Variants in HNRNPR observed in about 807,000 individuals in gnomAD.
HNRNPR encodes heterogeneous nuclear ribonucleoprotein R.
Under a neutral mutation model 70.3 loss-of-function variants are expected in HNRNPR, and 4 were observed. That is an observed-to-expected ratio of 0.06 (90% CI 0.03 to 0.13). The LOEUF is 0.13. Among genes scored for constraint, HNRNPR ranks in the 10% least tolerant of loss-of-function variants. The probability of loss-of-function intolerance (pLI) is 1.00; values close to 1 mark genes in which losing one functional copy is unlikely to be tolerated. For synonymous variants in HNRNPR, 241 were observed against 267.6 expected (o/e 0.90, Z 0.97); for missense variants, 423 against 788.5 (o/e 0.54, Z 5.55).
chr1:23,340,119 G>C (rs1027609582), intron 2 of HNRNPR, among the ~76,000 whole-genome samples: 2 of 151,772 alleles, frequency 1.3e-5, no homozygotes, highest in Admixed American at 1.3e-4. Flanking sequence ...CTCAGAATCT[G>C]AATAGGCACA....
chr1:23,314,508 TCAA>T (rs1645456462), intron 8 of HNRNPR, among the ~76,000 whole-genome samples: 2 of 152,090 alleles, frequency 1.3e-5, no homozygotes, highest in South Asian at 2.1e-4. Flanking sequence ...AACAAAAAGC[TCAA>T]CAACTGAATA....
chr1:23,311,140 C>G lies in HNRNPR; in HGVS notation c.1289+61G>C, dbSNP rs571083563. 9 of 1,609,456 alleles carry G rather than the reference C, an allele frequency of 5.6e-6. No homozygotes were observed. In the African/African-American group the frequency reaches 1.1e-4, roughly 19 times the overall value. ...AAGACTCTGATTTTGTTTTATTAAT[C>G]TGATCTCCATTATCACGTTATTCCT... is the stretch of plus-strand genomic sequence containing the variant. On this transcript the variant is annotated intron_variant, in intron 10 of 10. Transcript: ENST00000302271.
At chr1:23,335,995 T>C (rs1226940025) in intron 4 of HNRNPR, among the ~76,000 whole-genome samples, 1 of 147,154 alleles carries the variant, frequency 6.8e-6, no homozygotes, top group Non-Finnish European at 1.5e-5. Flanking sequence ...CGGGCGCCTG[T>C]AGTCCCAGCT....
chr1:23,339,242 T>G (rs899293446), intron 2 of HNRNPR, among the ~76,000 whole-genome samples: 2 of 152,242 alleles, frequency 1.3e-5, no homozygotes, highest in Non-Finnish European at 2.9e-5. Flanking sequence ...TGCAGCTTGA[T>G]TAATCAATTC....
intron 5 of HNRNPR, 71 bp downstream of exon 5, chr1:23,333,447 C>T: frequency 1.1e-6 from 1 of 876,798 alleles, no homozygotes; most frequent in Non-Finnish European, 1.9e-6. Context: ...CCCGTCTGTA[C>T]AGTATCTGCA....
rs528549933 is a variant in HNRNPR at position 23,307,109 on chromosome 1, T to A, written c.*3345A>T. On this transcript the variant is annotated 3_prime_UTR_variant, in exon 11 of 11. Coordinates refer to ENST00000302271, the MANE Select transcript of HNRNPR (RefSeq NM_005826.5). Reference sequence around the variant, plus strand: ...TATTGGTAGCTCAGTATAATAAAATTATCTTTGAAAAATCAAAATGACAAG... The same window carrying A: ...TATTGGTAGCTCAGTATAATAAAATAATCTTTGAAAAATCAAAATGACAAG... 4.6e-5 allele frequency: 7 copies of A among 152,172 alleles called. No homozygotes were observed. Among genetic ancestry groups the A allele is most frequent in the Non-Finnish European group, 1.0e-4 (7 of 68,008 alleles). The allele number at this position is 152,172 out of a possible 1,614,324, so 9.4% of individuals were successfully genotyped here. A position where few individuals can be genotyped will look rare whatever the true frequency, so the allele number is the denominator to read the frequency against.
chr1:23,311,412 A>G (rs1241829080), intron 9 of HNRNPR, 90 bp from the exon 10 acceptor site: 1 of 817,958 alleles, frequency 1.2e-6, no homozygotes, highest in African/African-American at 1.7e-5. Context: ...GTGTAATTTA[A>G]TACACTTAAC....
At position 23,312,863 on chromosome 1, in the gene HNRNPR, A is replaced by AC. The variant is rs529850649; in HGVS notation, c.1167+689dup. Among the ~76,000 whole-genome samples, 202 of 151,696 alleles carry AC rather than the reference A, an allele frequency of 1.3e-3. 2 individuals are homozygous for AC. The South Asian group carries it at 0.016, about 12-fold the overall frequency. On this transcript the variant is annotated intron_variant, in intron 9 of 10. Coordinates refer to ENST00000302271, the MANE Select transcript of HNRNPR (RefSeq NM_005826.5). ...TTTAGTAGTGTTTTGTCTTGCTCCC[A>AC]CCCCCCCAAGGAAGGAGAGATGAAT...
At chr1:23,322,661 G>GA (rs1439958069) in intron 6 of HNRNPR, among the ~76,000 whole-genome samples, 1 of 152,074 alleles carries the variant, frequency 6.6e-6, no homozygotes, top group Non-Finnish European at 1.5e-5. Flanking sequence ...CAAGTTTGAA[G>GA]AAAAAATCCA....
chr1:23,338,099 A>G (rs1277539455), intron 3 of HNRNPR: 1 of 429,042 alleles, frequency 2.3e-6, no homozygotes, highest in East Asian at 3.9e-5. Flanking sequence ...CCACTTGTTG[A>G]TATGTGACTG....
chr1:23,338,652 G>GA lies in HNRNPR; in HGVS notation c.158-45_158-44insT, dbSNP rs779015189. 2.3e-4 allele frequency: 210 copies of GA among 908,716 alleles called. 1 individual carries two copies. In the East Asian group the frequency reaches 5.2e-3, roughly 23 times the overall value. The allele number at this position is 908,716 out of a possible 1,614,324, so 56.3% of individuals were successfully genotyped here. ...GGGGTAACGTTATTGCAACAAAAGG[G>GA]GTAATCTAAGCTCTACTGACGTTTA... On this transcript the variant is annotated intron_variant, in intron 2 of 10. Transcript: ENST00000302271.
At chr1:23,332,524 G>A (rs1229660833) in intron 5 of HNRNPR, among the ~76,000 whole-genome samples, 2 of 151,074 alleles carry the variant, frequency 1.3e-5, no homozygotes, top group East Asian at 4.0e-4. Context: ...CCAACATGGT[G>A]AAATCCTCTT....
At chr1:23,339,013 A>T (rs1344707791) in intron 2 of HNRNPR, among the ~76,000 whole-genome samples, 1 of 152,226 alleles carries the variant, frequency 6.6e-6, no homozygotes, top group Non-Finnish European at 1.5e-5. Flanking sequence ...ATAAACCTTC[A>T]AATTACAGAC....
intron 1 of HNRNPR, among the ~76,000 whole-genome samples, chr1:23,342,006 G>C (rs757152492): frequency 7.2e-5 from 11 of 152,142 alleles, no homozygotes; most frequent in Non-Finnish European, 1.3e-4. Flanking sequence ...ATTTGTCTGT[G>C]GTGAAATTAC....
chr1:23,312,094 G>A (rs1177020387), intron 9 of HNRNPR, among the ~76,000 whole-genome samples: 1 of 151,854 alleles, frequency 6.6e-6, no homozygotes, highest in African/African-American at 2.4e-5. Context: ...TTTATTTTTT[G>A]TTTCCCTATA....
rs774028220 is a variant in HNRNPR, at chr1:23,306,585, A to T, written c.*3869T>A. On this transcript the variant is annotated 3_prime_UTR_variant, in exon 11 of 11. Transcript: ENST00000302271. ...TTCTGGATAACATCTGAAAATGATT[A>T]AAAAAACAAAAAAACAAAACAAAAC... The T allele has an allele frequency of 6.7e-6, 1 of 149,084 alleles. No homozygotes were observed. The highest frequency in any genetic ancestry group is 1.5e-5 in the Non-Finnish European group (1 of 67,854). 9.2% of individuals were successfully genotyped at this position (149,084 alleles called of 1,614,324 possible). A position where few individuals can be genotyped will look rare whatever the true frequency, so the allele number is the denominator to read the frequency against.
In HNRNPR at chr1:23,344,260, C is replaced by G. The variant is rs1049680352; in HGVS notation, c.-59G>C. On this transcript the variant is annotated 5_prime_UTR_variant, in exon 1 of 11. Coordinates refer to ENST00000302271, the MANE Select transcript of HNRNPR (RefSeq NM_005826.5). Reference sequence around the variant, plus strand: ...CGGGCCCGTGAGAATCAGCGCGAGGCGCTTTGAAAACGACTAGAAATGGCG... The same window carrying G: ...CGGGCCCGTGAGAATCAGCGCGAGGGGCTTTGAAAACGACTAGAAATGGCG... 6.6e-6 allele frequency: 1 copy of G among 152,654 alleles called. No homozygotes were observed. The highest frequency in any genetic ancestry group is 2.1e-4 in the South Asian group (1 of 4,824). 9.5% of individuals were successfully genotyped at this position (152,654 alleles called of 1,614,324 possible). A position where few individuals can be genotyped will look rare whatever the true frequency, so the allele number is the denominator to read the frequency against.
chr1:23,322,817 T>G (rs985709351), intron 6 of HNRNPR, among the ~76,000 whole-genome samples: 1 of 152,154 alleles, frequency 6.6e-6, no homozygotes, highest in Non-Finnish European at 1.5e-5. Flanking sequence ...GGCAAGGGTA[T>G]GCCAAAAAAT....
intron 8 of HNRNPR, among the ~76,000 whole-genome samples, chr1:23,315,714 C>T (rs529613185): frequency 6.6e-6 from 1 of 152,204 alleles, no homozygotes; most frequent in South Asian, 2.1e-4. Context: ...AAACATAGTA[C>T]CTATCCAAAT....
Sources: allele counts gnomAD v4.1 joint callset (sites outside exome capture counted in the v4.1 genomes callset), GRCh38; gene constraint gnomAD v4.1.1; transcripts MANE v1.5; gene names NCBI Gene and HGNC (gene_info 2026-07-23, HGNC 2026-07-21).